The following ATP2C1 variants were observed in gnomAD, a reference collection of about 807,000 sequenced individuals.
ATP2C1 encodes ATPase secretory pathway Ca2+ transporting 1.
A neutral mutation model predicts 120.5 loss-of-function variants in ATP2C1; 31 were observed. The ratio of observed to expected loss-of-function variants is 0.26; its 90% CI spans 0.19 to 0.35. The LOEUF is 0.35. Among genes scored for constraint, ATP2C1 ranks in the 10% least tolerant of loss-of-function variants. ATP2C1 has a pLI of 1.00. For synonymous variants in ATP2C1, 351 were observed against 358.7 expected (o/e 0.98, Z 0.24); for missense variants, 731 against 1,107.5 (o/e 0.66, Z 4.83).
intron 12 of ATP2C1, among the ~76,000 whole-genome samples, chr3:130,960,574 A>G (rs895187841): frequency 6.6e-6 from 1 of 152,216 alleles, no homozygotes; most frequent in African/African-American, 2.4e-5. Flanking sequence ...AGTGTTATCT[A>G]GCAGCATACT....
intron 1 of ATP2C1, among the ~76,000 whole-genome samples, chr3:130,863,667 G>C: frequency 6.6e-6 from 1 of 152,160 alleles, no homozygotes; most frequent in Non-Finnish European, 1.5e-5. Flanking sequence ...GTTGTGGGAG[G>C]GACCCAGGGG....
intron 1 of ATP2C1, among the ~76,000 whole-genome samples, chr3:130,852,473 A>G (rs945639731): frequency 5.3e-5 from 8 of 151,816 alleles, no homozygotes; most frequent in Non-Finnish European, 1.2e-4. Context: ...TTAACATAAA[A>G]CCTCTGACTT....
At chr3:130,941,922 A>G (rs1304220277) in intron 8 of ATP2C1, among the ~76,000 whole-genome samples, 1 of 152,156 alleles carries the variant, frequency 6.6e-6, no homozygotes, top group Non-Finnish European at 1.5e-5. Context: ...CTTTATAGAA[A>G]CCTGCATATT....
chr3:130,887,577 C>T lies in ATP2C1; in HGVS notation c.108+36649C>T, dbSNP rs966783035. ...CCTTCCTGCTCTTCCCTCCCCTTTC[C>T]ACAGGCAGAGGAGCCTCTCCCTGTG... On this transcript the variant is annotated intron_variant, in intron 1 of 26. Coordinates refer to the ATP2C1 transcript ENST00000504381. 3.3e-5 allele frequency among the ~76,000 whole-genome samples: 5 copies of T among 152,186 alleles called. No individual in the cohort carries two copies. The South Asian group carries it at 1.0e-3, about 31-fold the overall frequency.
intron 8 of ATP2C1, among the ~76,000 whole-genome samples, chr3:130,950,945 A>T (rs2060346573): frequency 6.6e-6 from 1 of 152,186 alleles, no homozygotes; most frequent in South Asian, 2.1e-4. Flanking sequence ...ATTTACATTT[A>T]AAGCAAAAGT....
chr3:130,896,197 A>G (rs2069612171), intron 2 of ATP2C1, among the ~76,000 whole-genome samples: 1 of 152,220 alleles, frequency 6.6e-6, no homozygotes, highest in Non-Finnish European at 1.5e-5. Flanking sequence ...AGGGTAGCCT[A>G]AAGTAGGTGG....
rs2060577098 is a variant in ATP2C1 at position 130,956,288 on chromosome 3, T to C, written c.832+109T>C. The C allele has an allele frequency of 1.2e-5, 7 of 599,252 alleles. No individual in the cohort carries two copies. The South Asian group carries it at 1.2e-4, about 10-fold the overall frequency. The allele number at this position is 599,252 out of a possible 1,614,324, so 37.1% of individuals were successfully genotyped here. On this transcript the variant is annotated intron_variant, in intron 11 of 27. Coordinates refer to ENST00000510168, the MANE Select transcript of ATP2C1 (RefSeq NM_001378687.1). ...ATTGGCTTTTCTTTTTTTTATTAAG[T>C]TTAATACTTTTTAAAATTATAAGAC...
chr3:130,953,764 C>T, intron 8 of ATP2C1, 57 bp from the exon 9 acceptor site: 2 of 1,572,422 alleles, frequency 1.3e-6, no homozygotes, highest in Non-Finnish European at 1.8e-6. Flanking sequence ...GTTATGAACT[C>T]TAGAGATGTT....
At chr3:130,883,314 T>C (rs2107826781) in intron 1 of ATP2C1, among the ~76,000 whole-genome samples, 1 of 152,294 alleles carries the variant, frequency 6.6e-6, no homozygotes, top group African/African-American at 2.4e-5. Flanking sequence ...TTCATTGACA[T>C]TTTTATTGTT....
intron 1 of ATP2C1, among the ~76,000 whole-genome samples, chr3:130,864,868 G>A (rs1356461319): frequency 6.6e-6 from 1 of 152,220 alleles, no homozygotes; most frequent in East Asian, 1.9e-4. Flanking sequence ...GGTCCTCATG[G>A]AGAACTTCTG....
chr3:130,929,622 T>C (rs2059369307), intron 2 of ATP2C1, among the ~76,000 whole-genome samples: 1 of 152,228 alleles, frequency 6.6e-6, no homozygotes, highest in Non-Finnish European at 1.5e-5. Context: ...AGTGGGCAGC[T>C]TTTGTCTCCC....
chr3:130,934,801 C>G (rs1300683283), intron 5 of ATP2C1, 90 bp downstream of exon 5: 6 of 896,800 alleles, frequency 6.7e-6, no homozygotes, highest in Admixed American at 6.4e-5. Context: ...GAGAAGTGCT[C>G]TCAGATTTTT....
At chr3:131,010,751 C>A (rs1052014012) in intron 26 of ATP2C1, among the ~76,000 whole-genome samples, 9 of 152,162 alleles carry the variant, frequency 5.9e-5, no homozygotes, top group Non-Finnish European at 8.8e-5. Flanking sequence ...GCCCATCTTT[C>A]TTCTTCACCA....
At chr3:130,855,138 A>G (rs560867600) in intron 1 of ATP2C1, among the ~76,000 whole-genome samples, 1 of 152,216 alleles carries the variant, frequency 6.6e-6, no homozygotes, top group East Asian at 1.9e-4. Flanking sequence ...CCTGCCAACC[A>G]TCTTTTCTTA....
chr3:130,954,554 T>A (rs1262060586), intron 9 of ATP2C1, among the ~76,000 whole-genome samples: 1 of 152,192 alleles, frequency 6.6e-6, no homozygotes, highest in Non-Finnish European at 1.5e-5. Context: ...GGCGTGATCT[T>A]GGCTCACTAC....
chr3:130,887,646 T>C (rs373428833), intron 1 of ATP2C1, among the ~76,000 whole-genome samples: 19 of 152,198 alleles, frequency 1.2e-4, no homozygotes, highest in African/African-American at 4.6e-4. Flanking sequence ...TACACCACCA[T>C]TGGTATTCAC....
intron 2 of ATP2C1, among the ~76,000 whole-genome samples, chr3:130,906,547 G>A (rs939644829): frequency 1.3e-5 from 2 of 152,004 alleles, no homozygotes; most frequent in African/African-American, 2.4e-5. Context: ...GAAGTGCTGG[G>A]TCATGGTAAT....
intron 1 of ATP2C1, among the ~76,000 whole-genome samples, chr3:130,887,969 C>T (rs2069034401): frequency 6.6e-6 from 1 of 152,218 alleles, no homozygotes; most frequent in African/African-American, 2.4e-5. Context: ...CAGAGTCTCA[C>T]CCAAGGCCCA....
intron 20 of ATP2C1, 106 bp from the exon 21 acceptor site, chr3:130,992,845 A>C (rs2062418786): frequency 2.2e-6 from 2 of 901,350 alleles, no homozygotes; most frequent in Non-Finnish European, 1.8e-6. Flanking sequence ...TGGCAAATTA[A>C]ATACAGCTTA....
Sources: allele counts gnomAD v4.1 joint callset (sites outside exome capture counted in the v4.1 genomes callset), GRCh38; gene constraint gnomAD v4.1.1; transcripts MANE v1.5; gene names NCBI Gene and HGNC (gene_info 2026-07-23, HGNC 2026-07-21).